The following GRID2 variants were observed in gnomAD, a reference collection of about 807,000 sequenced individuals.
GRID2 encodes glutamate ionotropic receptor delta type subunit 2, also known as glutamate receptor ionotropic, delta-2.
In GRID2, 33 loss-of-function variants were observed where a neutral mutation model predicts 114.8. The ratio of observed to expected loss-of-function variants is 0.29; its 90% CI spans 0.22 to 0.38. The LOEUF (loss-of-function observed/expected upper bound fraction) is 0.38. Ranked by LOEUF, GRID2 falls within the 10% of genes least tolerant of loss-of-function variation. The probability of loss-of-function intolerance (pLI) is 1.00; values close to 1 mark genes in which losing one functional copy is unlikely to be tolerated. For missense variants in GRID2, 1,184 were observed against 1,257.7 expected (o/e 0.94, Z 0.89); for synonymous variants, 505 against 449.9 (o/e 1.12, Z -1.55).
intron 2 of GRID2, among the ~76,000 whole-genome samples, chr4:92,764,799 G>T (rs1359408515): frequency 6.6e-6 from 1 of 152,082 alleles, no homozygotes; most frequent in Middle Eastern, 3.2e-3. Flanking sequence ...TATCTATTGA[G>T]TAAATAAACA....
At chr4:92,660,000 C>T (rs1172808354) in intron 2 of GRID2, among the ~76,000 whole-genome samples, 4 of 151,178 alleles carry the variant, frequency 2.6e-5, no homozygotes, top group Non-Finnish European at 4.4e-5. Flanking sequence ...TTCTGTTTTC[C>T]GAAATTTTGT....
rs1188198957 is a variant in GRID2, at chr4:93,035,132, G to A, written c.245-49863G>A. On this transcript the variant is annotated intron_variant, in intron 2 of 15. Transcript: ENST00000282020. ...TTTTTTTTTTTTTTTCTGAGGCAGA[G>A]TCTTACTCTGTCACCCAGGCTGCAG... 6.4e-5 allele frequency among the ~76,000 whole-genome samples: 9 copies of A among 141,386 alleles called. No homozygotes were observed. The East Asian group carries it at 1.3e-3, about 20-fold the overall frequency. 92.8% of individuals were successfully genotyped at this position (141,386 alleles called of 152,430 possible).
intron 7 of GRID2, among the ~76,000 whole-genome samples, chr4:93,225,640 C>T (rs1745398227): frequency 6.6e-6 from 1 of 151,850 alleles, no homozygotes; most frequent in African/African-American, 2.4e-5. Context: ...ATATAAATGC[C>T]CTTAAAAAGT....
chr4:93,466,609 C>G (rs2149428187), intron 11 of GRID2, among the ~76,000 whole-genome samples: 1 of 152,176 alleles, frequency 6.6e-6, no homozygotes, highest in South Asian at 2.1e-4. Flanking sequence ...GGCAGTAACT[C>G]CCGAGTGTTG....
At chr4:92,678,676 A>G (rs1579826003) in intron 2 of GRID2, among the ~76,000 whole-genome samples, 1 of 152,122 alleles carries the variant, frequency 6.6e-6, no homozygotes, top group East Asian at 1.9e-4. Context: ...TTCAGGGACT[A>G]ATACTGATAA....
intron 2 of GRID2, among the ~76,000 whole-genome samples, chr4:92,967,000 A>G (rs1753198652): frequency 6.6e-6 from 1 of 151,874 alleles, no homozygotes; most frequent in South Asian, 2.1e-4. Context: ...AGATTATGCA[A>G]TTCTCCTTGA....
chr4:93,470,734 A>T (rs1275121232), intron 11 of GRID2, among the ~76,000 whole-genome samples: 1 of 152,128 alleles, frequency 6.6e-6, no homozygotes, highest in Admixed American at 6.6e-5. Context: ...ATTAAAAACA[A>T]ATATTGTGTA....
chr4:92,829,612 T>C (rs1741960490), intron 2 of GRID2, among the ~76,000 whole-genome samples: 1 of 151,904 alleles, frequency 6.6e-6, no homozygotes, highest in Non-Finnish European at 1.5e-5. Context: ...TATAAATCAT[T>C]CTATAAAGAC....
chr4:92,471,360 A>G (rs1722024574), intron 1 of GRID2, among the ~76,000 whole-genome samples: 1 of 151,984 alleles, frequency 6.6e-6, no homozygotes, highest in African/African-American at 2.4e-5. Flanking sequence ...ACCTTGTACA[A>G]CCCTTTCATT....
At chr4:93,398,945 T>C (rs1560580112) in intron 9 of GRID2, among the ~76,000 whole-genome samples, 1 of 151,994 alleles carries the variant, frequency 6.6e-6, no homozygotes, top group Non-Finnish European at 1.5e-5. Flanking sequence ...TTTCTACAAG[T>C]GCCTTTTCAG....
Position 92,548,401 on chromosome 4 carries a change from A to ATTTTTTTTTGTTTTT in GRID2, c.89-41721_89-41720insGTTTTTTTTTTTTTT, listed in dbSNP as rs1726386207. ...ATGAAGACATTTCTGAGACTGTGTA[A>ATTTTTTTTTGTTTTT]TTTTTTTTTTTTTTTTTTGAGACAG... On this transcript the variant is annotated intron_variant, in intron 1 of 15. Coordinates refer to ENST00000282020, the MANE Select transcript of GRID2 (RefSeq NM_001510.4). Among the ~76,000 whole-genome samples the ATTTTTTTTTGTTTTT allele has an allele frequency of 4.9e-5, 3 of 60,808 alleles. No individual in the cohort carries two copies. In the Admixed American group the frequency reaches 7.4e-4, roughly 15 times the overall value. 39.9% of individuals were successfully genotyped at this position (60,808 alleles called of 152,430 possible). A position where few individuals can be genotyped will look rare whatever the true frequency, so the allele number is the denominator to read the frequency against.
At chr4:92,315,734 G>T (rs1725932943) in intron 1 of GRID2, among the ~76,000 whole-genome samples, 1 of 152,098 alleles carries the variant, frequency 6.6e-6, no homozygotes, top group Non-Finnish European at 1.5e-5. Flanking sequence ...ACTTCGGGAG[G>T]CTGAGGCGGG....
chr4:92,901,350 CTTG>C (rs932262800), intron 2 of GRID2, among the ~76,000 whole-genome samples: 1 of 151,998 alleles, frequency 6.6e-6, no homozygotes, highest in Admixed American at 6.6e-5. Context: ...TTTTCATATG[CTTG>C]TTGTTGCACT....
At chr4:92,322,547 C>T (rs1726367292) in intron 1 of GRID2, among the ~76,000 whole-genome samples, 2 of 151,914 alleles carry the variant, frequency 1.3e-5, no homozygotes, top group Admixed American at 6.6e-5. Flanking sequence ...ATATGTATAC[C>T]TACTATATAC....
intron 2 of GRID2, among the ~76,000 whole-genome samples, chr4:92,609,036 C>T (rs1729591813): frequency 6.6e-6 from 1 of 151,612 alleles, no homozygotes; most frequent in Admixed American, 6.6e-5. Context: ...AGTCATAATA[C>T]AAAGTACAGT....
intron 1 of GRID2, among the ~76,000 whole-genome samples, chr4:92,512,009 C>T (rs1013833252): frequency 2.6e-5 from 4 of 151,446 alleles, no homozygotes; most frequent in Non-Finnish European, 5.9e-5. Flanking sequence ...CATTCTACAT[C>T]CCATGTCCAT....
At chr4:92,363,968 C>T (rs1439300537) in intron 1 of GRID2, among the ~76,000 whole-genome samples, 7 of 151,540 alleles carry the variant, frequency 4.6e-5, no homozygotes, top group South Asian at 2.1e-4. Flanking sequence ...TACAGGCACC[C>T]GCCACTATGC....
intron 9 of GRID2, among the ~76,000 whole-genome samples, chr4:93,415,234 C>T (rs934550406): frequency 2.0e-5 from 3 of 151,994 alleles, no homozygotes; most frequent in Non-Finnish European, 4.4e-5. Flanking sequence ...TGTTATATCT[C>T]GAATGTATTT....
intron 14 of GRID2, among the ~76,000 whole-genome samples, chr4:93,665,848 T>C (rs1266065677): frequency 6.6e-6 from 1 of 152,148 alleles, no homozygotes; most frequent in Non-Finnish European, 1.5e-5. Flanking sequence ...TTACTATTTA[T>C]ACTTCCTTCC....
Sources: gnomAD v4.1 joint callset for allele counts (sites outside exome capture counted in the v4.1 genomes callset) on GRCh38, gnomAD v4.1.1 for gene constraint, MANE v1.5 for transcripts, NCBI Gene and HGNC (gene_info 2026-07-23, HGNC 2026-07-21) for gene names.